CFAP410: variants seen among roughly 807,000 people sequenced by gnomAD.
CFAP410 encodes cilia- and flagella-associated protein 410.
CFAP410 carries 27 observed loss-of-function variants against 25.7 expected under a neutral mutation model. The observed-to-expected ratio is 1.05, with a 90% CI of 0.77 to 1.45. The LOEUF is 1.45. Ranked by LOEUF, CFAP410 falls within the 40% of genes most tolerant of loss-of-function variation. CFAP410 has a pLI of 0.00. For missense variants in CFAP410, 428 were observed against 354.1 expected (o/e 1.21, Z -1.67); for synonymous variants, 178 against 158.4 (o/e 1.12, Z -0.93).
chr21:44,332,325 A>T, intron 4 of CFAP410: 1 of 316,038 alleles, frequency 3.2e-6, no homozygotes, highest in Admixed American at 5.0e-5. Flanking sequence ...GACCATATTG[A>T]ATTTATTCCA....
rs778222701 is a variant in CFAP410 at position 44,331,842 on chromosome 21, C to T, written c.545+1G>A. ...GAGTCCCCGCTGCCCTCCAGCCTCA[C>T]GTTGCCTCCTCCTCGCTGTCCAGCG... On this transcript the variant is annotated splice_donor_variant, in intron 5 of 6. Coordinates refer to ENST00000339818, the MANE Select transcript of CFAP410 (RefSeq NM_004928.3). LOFTEE classifies it high-confidence loss of function. The T allele has an allele frequency of 6.2e-6, 10 of 1,609,802 alleles. No homozygotes were observed. Among genetic ancestry groups the T allele is most frequent in the East Asian group, 2.2e-5 (1 of 44,792 alleles).
rs60345888 is a variant in CFAP410, at chr21:44,332,802, C to G, written c.373+231G>C. The G allele has an allele frequency of 0.016, 9,088 of 557,234 alleles. 656 individuals carry two copies. The highest frequency in any genetic ancestry group is 0.15 in the African/African-American group (8,175 of 53,438). The allele number at this position is 557,234 out of a possible 1,614,324, so 34.5% of individuals were successfully genotyped here. ...AGGTCCTGCGGTCGTTGGGGGATACCCAAACTGTCAGTCCCAGGAGGGACC... is the reference window on the plus strand; with the variant it reads ...AGGTCCTGCGGTCGTTGGGGGATACGCAAACTGTCAGTCCCAGGAGGGACC... On this transcript the variant is annotated intron_variant, in intron 4 of 6. Coordinates refer to ENST00000339818, the MANE Select transcript of CFAP410 (RefSeq NM_004928.3).
intron 4 of CFAP410, 44 bp downstream of exon 4, chr21:44,332,989 G>A: frequency 1.5e-6 from 2 of 1,320,296 alleles, no homozygotes; most frequent in Non-Finnish European, 2.1e-6. Flanking sequence ...TCCCCTTCCA[G>A]GGATTGTTTT....
chr21:44,331,526 C>T lies in CFAP410; in HGVS notation c.545+317G>A, dbSNP rs562350888. The T allele has an allele frequency of 1.0e-5, 4 of 383,434 alleles. 1 individual carries two copies. The highest frequency in any genetic ancestry group is 1.9e-5 in the Non-Finnish European group (4 of 211,946). The allele number at this position is 383,434 out of a possible 1,614,324, so 23.8% of individuals were successfully genotyped here. On this transcript the variant is annotated intron_variant, in intron 5 of 6. Coordinates refer to ENST00000339818, the MANE Select transcript of CFAP410 (RefSeq NM_004928.3). ...GTCACTGTGGCCCTAGGCCACCCCC[C>T]CCACCAGGGGCTCCCTGCACCTCAC...
chr21:44,330,729 G>A, intron 6 of CFAP410, 94 bp downstream of exon 6: 11 of 1,549,600 alleles, frequency 7.1e-6, no homozygotes, highest in Non-Finnish European at 9.6e-6. Flanking sequence ...CTCCCCACGG[G>A]GCCCTGTGAG....
At chr21:44,336,746 A>G (rs141911691) in intron 2 of CFAP410, 2 of 152,296 alleles carry the variant, frequency 1.3e-5, no homozygotes, top group Admixed American at 6.5e-5. Flanking sequence ...TTTGTCTTTA[A>G]GAAAAGGTAC....
intron 2 of CFAP410, among the ~76,000 whole-genome samples, chr21:44,336,075 G>C (rs1602086955): frequency 8.6e-6 from 1 of 115,816 alleles, no homozygotes; most frequent in Non-Finnish European, 1.8e-5. Flanking sequence ...AGGGCCTGAG[G>C]GGAGCGGCCC....
intron 3 of CFAP410, chr21:44,333,851 C>G: frequency 2.8e-6 from 1 of 354,038 alleles, no homozygotes; most frequent in Non-Finnish European, 5.6e-6. Context: ...CAAGCGAACA[C>G]GCGGAGCCGC....
Position 44,335,726 on chromosome 21 carries a change from C to G in CFAP410, c.143+32G>C, listed in dbSNP as rs200830387. On this transcript the variant is annotated intron_variant, in intron 3 of 6. Transcript: ENST00000339818. ...GAGGCTCTGCCCCGGCTTCCAGGCC[C>G]CAGGCTGAGCATGACAGCAGGAGCG... The G allele has an allele frequency of 3.2e-6, 5 of 1,565,262 alleles. No individual in the cohort carries two copies. The African/African-American group carries it at 4.1e-5, about 13-fold the overall frequency.
chr21:44,339,353 C>T lies in CFAP410; in HGVS notation c.-159G>A. ...TGAGGAGAGCGGGGCGACGCGAGCC[C>T]GCTGGGGCCGCTTGGGCGCCGCTGA... On this transcript the variant is annotated 5_prime_UTR_variant, in exon 1 of 7. Coordinates refer to ENST00000339818, the MANE Select transcript of CFAP410 (RefSeq NM_004928.3). The T allele has an allele frequency of 4.6e-6, 2 of 430,648 alleles. No homozygotes were observed. Among genetic ancestry groups the T allele is most frequent in the Non-Finnish European group, 8.1e-6 (2 of 247,660 alleles). 26.7% of individuals were successfully genotyped at this position (430,648 alleles called of 1,614,324 possible). A position where few individuals can be genotyped will look rare whatever the true frequency, so the allele number is the denominator to read the frequency against.
chr21:44,333,330 A>AC, intron 3 of CFAP410, 68 bp from the exon 4 acceptor site: 1 of 1,284,780 alleles, frequency 7.8e-7, no homozygotes, highest in Non-Finnish European at 1.1e-6. Context: ...CTCAATCCCC[A>AC]CCCCCAGTAA....
intron 3 of CFAP410, chr21:44,334,831 G>A (rs1021392837): frequency 1.8e-5 from 3 of 163,624 alleles, no homozygotes; most frequent in East Asian, 1.8e-4. Flanking sequence ...CTCAGCCCAT[G>A]GCGGGCAGCA....
chr21:44,335,424 T>G (rs2047733619), intron 3 of CFAP410: 1 of 352,076 alleles, frequency 2.8e-6, no homozygotes, highest in Non-Finnish European at 5.2e-6. Flanking sequence ...CCACCGTGAA[T>G]CCTTAGGAGG....
chr21:44,330,604 G>A (rs2047627429), intron 6 of CFAP410: 8 of 1,549,854 alleles, frequency 5.2e-6, no homozygotes, highest in Non-Finnish European at 7.0e-6. Context: ...GAGGCTGAGG[G>A]GCCAGGACGG....
chr21:44,337,058 C>T (rs2047769492), intron 2 of CFAP410: 1 of 147,756 alleles, frequency 6.8e-6, no homozygotes, highest in Non-Finnish European at 1.5e-5. Context: ...GTACTCCAGC[C>T]TGGGCAACAG....
At chr21:44,333,537 G>A (rs1408092792) in intron 3 of CFAP410, 2 of 549,882 alleles carry the variant, frequency 3.6e-6, no homozygotes, top group Non-Finnish European at 6.5e-6. Context: ...CAGGGCGCTA[G>A]AGTGCGGGAG....
intron 4 of CFAP410, chr21:44,332,709 C>T (rs373459763): frequency 5.4e-6 from 2 of 369,796 alleles, no homozygotes. Flanking sequence ...CGCCATGGCG[C>T]ATGGCGATGG....
rs1355198120 is a variant in CFAP410 at position 44,330,285 on chromosome 21, ATC to A, written c.682_683del (p.Asp228CysfsTer81). 2 of 1,609,436 alleles carry A rather than the reference ATC, an allele frequency of 1.2e-6. No individual in the cohort carries two copies. Among genetic ancestry groups the A allele is most frequent in the Non-Finnish European group, 1.7e-6 (2 of 1,178,930 alleles). On this transcript the variant is annotated frameshift_variant, in exon 7 of 7. Coordinates refer to ENST00000339818, the MANE Select transcript of CFAP410 (RefSeq NM_004928.3). LOFTEE classifies it high-confidence loss of function. ...GCTGCACGGCCTCCAGCCCCTCTGC[ATC>A]CAGCTCCCGCAGCAGCAGCAGGATG... ...TAILLLLREL[D>X]AEGLEAVQQT...
intron 3 of CFAP410, 125 bp from the exon 4 acceptor site, chr21:44,333,387 A>T: frequency 1.4e-6 from 1 of 738,180 alleles, no homozygotes; most frequent in South Asian, 1.7e-5. Flanking sequence ...GAGAAGCCTA[A>T]ATCGGATGTC....
Sources: allele counts gnomAD v4.1 joint callset (sites outside exome capture counted in the v4.1 genomes callset), GRCh38; gene constraint gnomAD v4.1.1; transcripts MANE v1.5; gene names NCBI Gene and HGNC (gene_info 2026-07-23, HGNC 2026-07-21).